METTL8: variants seen among roughly 807,000 people sequenced by gnomAD.
METTL8 encodes the protein methyltransferase 8, tRNA N3-cytidine, also known as tRNA N(3)-cytidine methyltransferase METTL8, mitochondrial.
In METTL8, 32 loss-of-function variants were observed where a neutral mutation model predicts 48.7. That is an observed-to-expected ratio of 0.66 (90% CI 0.50 to 0.88). METTL8 has a LOEUF of 0.88. Among genes scored for constraint, METTL8 ranks in the 40% least tolerant of loss-of-function variants. METTL8 has a pLI of 0.00. For missense variants in METTL8, 464 were observed against 474.4 expected, an observed-to-expected ratio of 0.98 and a Z score of 0.20; for synonymous variants, 136 against 157.1, an observed-to-expected ratio of 0.87 and a Z score of 1.01.
At chr2:171,399,605 T>C (rs1272223252) in intron 1 of METTL8, among the ~76,000 whole-genome samples, 1 of 152,146 alleles carries the variant, frequency 6.6e-6, no homozygotes, top group Non-Finnish European at 1.5e-5. Context: ...GCTAGATGCT[T>C]TGCCTACCAC....
At chr2:171,361,970 G>A (rs1014400323) in intron 2 of METTL8, among the ~76,000 whole-genome samples, 1 of 152,106 alleles carries the variant, frequency 6.6e-6, no homozygotes, top group Non-Finnish European at 1.5e-5. Flanking sequence ...GTAGGTTTGG[G>A]TTCAGGTTAG....
At chr2:171,361,428 G>A (rs1186517220) in intron 2 of METTL8, among the ~76,000 whole-genome samples, 3 of 152,040 alleles carry the variant, frequency 2.0e-5, no homozygotes, top group Non-Finnish European at 4.4e-5. Context: ...GTAGTCACCT[G>A]ACTGATGAGA....
intron 2 of METTL8, among the ~76,000 whole-genome samples, chr2:171,362,363 G>T (rs1006648243): frequency 6.6e-6 from 1 of 152,054 alleles, no homozygotes; most frequent in African/African-American, 2.4e-5. Flanking sequence ...TAAGAGTCAT[G>T]AATGATTCTA....
intron 3 of METTL8, among the ~76,000 whole-genome samples, chr2:171,347,735 C>T (rs1683427302): frequency 6.6e-6 from 1 of 152,218 alleles, no homozygotes; most frequent in Non-Finnish European, 1.5e-5. Context: ...CACAGTTATA[C>T]TTCTTCAGAA....
At chr2:171,374,969 C>G in intron 2 of METTL8, 2 of 1,214,174 alleles carry the variant, frequency 1.6e-6, no homozygotes, top group Non-Finnish European at 2.4e-6. Flanking sequence ...GCAGCACCCA[C>G]AGGTCTAAAT....
At chr2:171,405,479 G>T (rs537895131) in intron 1 of METTL8, among the ~76,000 whole-genome samples, 1 of 152,284 alleles carries the variant, frequency 6.6e-6, no homozygotes, top group Non-Finnish European at 1.5e-5. Context: ...GGCTCTGCCA[G>T]CAGAAAACAG....
chr2:171,354,841 A>G (rs1268907687), intron 3 of METTL8, among the ~76,000 whole-genome samples: 2 of 150,928 alleles, frequency 1.3e-5, no homozygotes, highest in South Asian at 4.2e-4. Context: ...TACGCTGTTT[A>G]TTCTAGTTAG....
intron 1 of METTL8, among the ~76,000 whole-genome samples, chr2:171,392,823 A>G (rs899290901): frequency 6.6e-6 from 1 of 152,054 alleles, no homozygotes; most frequent in Non-Finnish European, 1.5e-5. Context: ...TTTGCCAGGC[A>G]TGGTGGCTCA....
At chr2:171,357,529 A>G (rs2105465609) in intron 3 of METTL8, among the ~76,000 whole-genome samples, 1 of 152,348 alleles carries the variant, frequency 6.6e-6, no homozygotes, top group South Asian at 2.1e-4. Flanking sequence ...AAGAAATTAA[A>G]AAGGACATTA....
chr2:171,345,511 T>G (rs1047102794), intron 3 of METTL8, among the ~76,000 whole-genome samples: 7 of 152,240 alleles, frequency 4.6e-5, no homozygotes, highest in East Asian at 1.9e-4. Context: ...ATTAAAAGTA[T>G]GTTTCTAAGA....
rs904383378 is a variant in METTL8 at position 171,317,270 on chromosome 2, T to A, written c.*6902A>T. The A allele has an allele frequency of 1.3e-5, 2 of 152,228 alleles. No individual in the cohort carries two copies. Among genetic ancestry groups the A allele is most frequent in the Non-Finnish European group, 2.9e-5 (2 of 68,044 alleles). 9.4% of individuals were successfully genotyped at this position (152,228 alleles called of 1,614,324 possible). ...AGGTTAACTGAGGAAAAAATTAATT[T>A]CTGCGTTTTCTGCAATGAACTAGGA... On this transcript the variant is annotated 3_prime_UTR_variant, in exon 10 of 10. Coordinates refer to ENST00000375258, the MANE Select transcript of METTL8 (RefSeq NM_001321154.2).
chr2:171,330,169 G>A (rs1685366887), intron 7 of METTL8, among the ~76,000 whole-genome samples: 1 of 152,128 alleles, frequency 6.6e-6, no homozygotes, highest in South Asian at 2.1e-4. Flanking sequence ...CAGATCCCAA[G>A]CCCACCTCTT....
At chr2:171,413,946 G>A (rs1490626708) in intron 1 of METTL8, among the ~76,000 whole-genome samples, 2 of 152,058 alleles carry the variant, frequency 1.3e-5, no homozygotes, top group Non-Finnish European at 2.9e-5. Flanking sequence ...GAAAAAATTA[G>A]AAAGAAAATT....
At chr2:171,356,952 A>ATGTTTTTTTTTTGTTT in intron 3 of METTL8, among the ~76,000 whole-genome samples, 5 of 78,488 alleles carry the variant, frequency 6.4e-5, no homozygotes, top group Middle Eastern at 0.013. Context: ...CAAAGACAAT[A>ATGTTTTTTTTTTGTTT]TTTTTTTTTT....
Position 171,319,991 on chromosome 2 carries a change from G to C in METTL8, c.*4181C>G, listed in dbSNP as rs1366696876. Reference sequence around the variant, plus strand: ...AATATCAAACTCTGCCTAACCAACTGGTCCTAGCTTTATGGATGTGAGGGG... The same window carrying C: ...AATATCAAACTCTGCCTAACCAACTCGTCCTAGCTTTATGGATGTGAGGGG... On this transcript the variant is annotated 3_prime_UTR_variant, in exon 10 of 10. Coordinates refer to ENST00000375258, the MANE Select transcript of METTL8 (RefSeq NM_001321154.2). 6.6e-6 allele frequency: 1 copy of C among 152,014 alleles called. No individual in the cohort carries two copies. Among genetic ancestry groups the C allele is most frequent in the Non-Finnish European group, 1.5e-5 (1 of 68,016 alleles). 9.4% of individuals were successfully genotyped at this position (152,014 alleles called of 1,614,324 possible). A position where few individuals can be genotyped will look rare whatever the true frequency, so the allele number is the denominator to read the frequency against.
chr2:171,366,677 T>A (rs1389961334), intron 2 of METTL8, among the ~76,000 whole-genome samples: 1 of 152,036 alleles, frequency 6.6e-6, no homozygotes, highest in African/African-American at 2.4e-5. Flanking sequence ...AAATGAAAAC[T>A]TCTTTTTAAA....
Position 171,340,567 on chromosome 2 carries a change from A to ATAAG in METTL8, c.236-1014_236-1013insCTTA, listed in dbSNP as rs111967713. ...GAGTGAGACCCTGTCTCAAAAATTA[A>ATAAG]TAAATAAACAAATAAAAGAAAGGAC... On this transcript the variant is annotated intron_variant, in intron 3 of 9. Coordinates refer to ENST00000375258, the MANE Select transcript of METTL8 (RefSeq NM_001321154.2). Among the ~76,000 whole-genome samples the ATAAG allele has an allele frequency of 2.5e-3, 378 of 151,774 alleles. 7 individuals carry two copies. The East Asian group carries it at 0.028, about 11-fold the overall frequency.
chr2:171,408,574 G>A (rs1690431167), intron 1 of METTL8, among the ~76,000 whole-genome samples: 1 of 152,062 alleles, frequency 6.6e-6, no homozygotes, highest in Non-Finnish European at 1.5e-5. Context: ...TTACAGGTGT[G>A]AGCCACCGTG....
intron 1 of METTL8, among the ~76,000 whole-genome samples, chr2:171,428,767 G>T (rs764933458): frequency 6.6e-6 from 1 of 152,208 alleles, no homozygotes; most frequent in Non-Finnish European, 1.5e-5. Context: ...AAGGGTCTCA[G>T]TGGAGCTGTG....
Sources: allele counts gnomAD v4.1 joint callset (sites outside exome capture counted in the v4.1 genomes callset), GRCh38; gene constraint gnomAD v4.1.1; transcripts MANE v1.5; gene names NCBI Gene and HGNC (gene_info 2026-07-23, HGNC 2026-07-21).